ZNF280D: variants seen among roughly 807,000 people sequenced by gnomAD.
The protein encoded by ZNF280D is zinc finger protein 280D.
ZNF280D carries 39 observed loss-of-function variants against 94.7 expected under a neutral mutation model. The ratio of observed to expected loss-of-function variants is 0.41; its 90% CI spans 0.32 to 0.54. The LOEUF (loss-of-function observed/expected upper bound fraction) is 0.54, where lower values mean the gene tolerates loss of function less well. Ranked by LOEUF, ZNF280D falls within the 20% of genes least tolerant of loss-of-function variation. ZNF280D has a pLI of 0.22. For missense variants in ZNF280D, 1,090 were observed against 1,149.3 expected, an observed-to-expected ratio of 0.95 and a Z score of 0.75; for synonymous variants, 398 against 377.6, an observed-to-expected ratio of 1.05 and a Z score of -0.63.
In ZNF280D at chr15:56,669,299, A is replaced by G. The variant is rs147717624; in HGVS notation, c.1411-342T>C. On this transcript the variant is annotated intron_variant, in intron 13 of 21. Transcript: ENST00000267807. ...AGATGTACTACGTTTTTATCCTAGA[A>G]AAAGGAAATTATTTCTAATTTTTGC... 9.2e-5 allele frequency among the ~76,000 whole-genome samples: 14 copies of G among 152,168 alleles called. No homozygotes were observed. In the East Asian group the frequency reaches 2.7e-3, roughly 29 times the overall value.
At chr15:56,636,292 A>G (rs1046098811) in intron 20 of ZNF280D, among the ~76,000 whole-genome samples, 21 of 152,136 alleles carry the variant, frequency 1.4e-4, no homozygotes, top group African/African-American at 5.1e-4. Context: ...GAGGAGTGCA[A>G]GGAAAAGAGA....
intron 1 of ZNF280D, among the ~76,000 whole-genome samples, chr15:56,714,343 A>T (rs2057925793): frequency 6.6e-6 from 1 of 152,202 alleles, no homozygotes; most frequent in Non-Finnish European, 1.5e-5. Context: ...AAAGATTCTA[A>T]TTTTTATGAA....
At chr15:56,726,759 A>T (rs1261806889) in intron 1 of ZNF280D, among the ~76,000 whole-genome samples, 1 of 152,226 alleles carries the variant, frequency 6.6e-6, no homozygotes. Flanking sequence ...ATATTGCATC[A>T]ATTTTCAAAG....
intron 1 of ZNF280D, among the ~76,000 whole-genome samples, chr15:56,710,727 C>T (rs1275432120): frequency 6.6e-6 from 1 of 152,052 alleles, no homozygotes; most frequent in Non-Finnish European, 1.5e-5. Context: ...TTTTCACTTT[C>T]ATCCATTGAT....
intron 13 of ZNF280D, 97 bp from the exon 14 acceptor site, chr15:56,669,054 T>C: frequency 8.5e-7 from 1 of 1,174,816 alleles, no homozygotes; most frequent in Non-Finnish European, 1.2e-6. Context: ...GATACCTAAA[T>C]AATGTAAAAA....
At chr15:56,701,503 C>T (rs1176500513) in intron 4 of ZNF280D, among the ~76,000 whole-genome samples, 3 of 152,038 alleles carry the variant, frequency 2.0e-5, no homozygotes, top group African/African-American at 7.2e-5. Context: ...AAGGAAATGA[C>T]AAATCTGACT....
At chr15:56,689,001 G>A in intron 9 of ZNF280D, 40 bp downstream of exon 9, 1 of 1,382,796 alleles carries the variant, frequency 7.2e-7, no homozygotes, top group Non-Finnish European at 1.0e-6. Flanking sequence ...TTTTAGAAAT[G>A]TGCAAACTTT....
chr15:56,632,238 A>C, intron 21 of ZNF280D, 116 bp from the exon 22 acceptor site: 1 of 993,914 alleles, frequency 1.0e-6, no homozygotes, highest in Non-Finnish European at 1.4e-6. Context: ...CCCACCAAAA[A>C]GGAAAACAGT....
At chr15:56,704,890 G>A (rs2057308693) in intron 3 of ZNF280D, among the ~76,000 whole-genome samples, 1 of 152,092 alleles carries the variant, frequency 6.6e-6, no homozygotes, top group Non-Finnish European at 1.5e-5. Context: ...GGCTGAGTCA[G>A]GAGAATCGCT....
Position 56,635,239 on chromosome 15 carries a change from T to C in ZNF280D, c.2271A>G (p.Arg757=), listed in dbSNP as rs376852551. ...EQEPVSKEIA[R]PNMAERETET... The stretch of plus-strand genomic sequence containing the variant: ...CTGTTTCTCTTTCAGCCATGTTAGG[T>C]CTTGCAATTTCCTGAAATAATTAAT... Residue 757 remains arginine (R), a synonymous_variant, in exon 21 of 22, where the codon AGA becomes AGG. Transcript: ENST00000267807. The C allele has an allele frequency of 1.3e-6, 2 of 1,529,984 alleles. No individual in the cohort carries two copies. The highest frequency in any genetic ancestry group is 1.8e-6 in the Non-Finnish European group (2 of 1,140,828). 94.8% of individuals were successfully genotyped at this position (1,529,984 alleles called of 1,614,324 possible). A position where few individuals can be genotyped will look rare whatever the true frequency, so the allele number is the denominator to read the frequency against.
At chr15:56,652,334 T>C (rs1025279005) in intron 19 of ZNF280D, among the ~76,000 whole-genome samples, 4 of 152,118 alleles carry the variant, frequency 2.6e-5, no homozygotes, top group Non-Finnish European at 5.9e-5. Context: ...AACCTTTTCA[T>C]TGTGCTGCAA....
Position 56,667,967 on chromosome 15 carries a change from G to GAA in ZNF280D, c.1545+854_1545+855dup, listed in dbSNP as rs1446907206. 4.6e-5 allele frequency: 9 copies of GAA among 197,756 alleles called. No homozygotes were observed. In the South Asian group the frequency reaches 5.6e-4, roughly 12 times the overall value. 12.3% of individuals were successfully genotyped at this position (197,756 alleles called of 1,614,324 possible). The stretch of plus-strand genomic sequence containing the variant: ...ATTAATATTATTATTATTAATAAGG[G>GAA]AAAAAATGAGAGAGGACTGCACTGC... On this transcript the variant is annotated intron_variant, in intron 14 of 21. Coordinates refer to ENST00000267807, the MANE Select transcript of ZNF280D (RefSeq NM_017661.4).
chr15:56,694,329 AC>A (rs1162373107), intron 6 of ZNF280D, among the ~76,000 whole-genome samples: 5 of 140,566 alleles, frequency 3.6e-5, no homozygotes, highest in African/African-American at 1.3e-4. Context: ...ACACACACAC[AC>A]ACACACACAA....
chr15:56,712,815 A>G (rs1158001233), intron 1 of ZNF280D, among the ~76,000 whole-genome samples: 1 of 143,674 alleles, frequency 7.0e-6, no homozygotes, highest in Non-Finnish European at 1.5e-5. Context: ...ATCTCAGCTC[A>G]CTGCAACCTC....
chr15:56,671,927 A>T (rs1488014601), intron 13 of ZNF280D, among the ~76,000 whole-genome samples: 1 of 151,996 alleles, frequency 6.6e-6, no homozygotes, highest in African/African-American at 2.4e-5. Flanking sequence ...TAGGTATTTC[A>T]TTCTTTTTCT....
chr15:56,732,140 A>G (rs542989526), intron 1 of ZNF280D, among the ~76,000 whole-genome samples: 1 of 152,330 alleles, frequency 6.6e-6, no homozygotes, highest in East Asian at 1.9e-4. Context: ...CCGGAGAAGG[A>G]GTCAGAAGAC....
Position 56,631,753 on chromosome 15 carries a change from C to T in ZNF280D, c.2685G>A (p.Gln895=), listed in dbSNP as rs1482973240. The change falls in exon 22 of 22, where the codon CAG becomes CAA. Residue 895 remains glutamine, a synonymous_variant. Transcript: ENST00000267807. ...CAGGTTCATGTCTTTTTCTCAAAAA[C>T]TGATCAATGCTTACATTATCTGATG... ...RLASDNVSID[Q]FLRKRHEPES... The T allele has an allele frequency of 1.2e-5, 20 of 1,614,038 alleles. No homozygotes were observed. Among genetic ancestry groups the T allele is most frequent in the African/African-American group, 2.7e-5 (2 of 74,924 alleles).
intron 1 of ZNF280D, among the ~76,000 whole-genome samples, chr15:56,720,015 G>C (rs1294521436): frequency 1.3e-5 from 2 of 152,044 alleles, no homozygotes; most frequent in Non-Finnish European, 2.9e-5. Context: ...GCTGGCTGAA[G>C]GTTGGGGTGG....
chr15:56,685,572 A>G (rs779219463), intron 9 of ZNF280D, among the ~76,000 whole-genome samples: 2 of 152,212 alleles, frequency 1.3e-5, no homozygotes, highest in Non-Finnish European at 2.9e-5. Flanking sequence ...AAATGCTCAG[A>G]CAATATTGAC....
Sources: gnomAD v4.1 joint callset for allele counts (sites outside exome capture counted in the v4.1 genomes callset) on GRCh38, gnomAD v4.1.1 for gene constraint, MANE v1.5 for transcripts, NCBI Gene and HGNC (gene_info 2026-07-23, HGNC 2026-07-21) for gene names.